The following RAB27B variants were observed in gnomAD, a reference collection of about 807,000 sequenced individuals.
The protein encoded by RAB27B is RAB27B, member RAS oncogene family.
RAB27B carries 15 observed loss-of-function variants against 24.6 expected under a neutral mutation model. The ratio of observed to expected loss-of-function variants is 0.61; its 90% CI spans 0.41 to 0.94. The LOEUF (loss-of-function observed/expected upper bound fraction) is 0.94, where lower values mean the gene tolerates loss of function less well. RAB27B is among the 40% of genes least tolerant of loss of function. The pLI is 0.00. For synonymous variants in RAB27B, 105 were observed against 92.5 expected (o/e 1.14, Z -0.78); for missense variants, 261 against 266.8 (o/e 0.98, Z 0.15).
intron 1 of RAB27B, among the ~76,000 whole-genome samples, chr18:54,867,471 G>A (rs564041865): frequency 1.6e-5 from 2 of 127,092 alleles, no homozygotes; most frequent in African/African-American, 2.9e-5. Context: ...TTCTGAGATG[G>A]AGTCTCGCTC....
At chr18:54,769,596 T>C (rs143532395) in intron 2 of RAB27B, among the ~76,000 whole-genome samples, 1 of 152,324 alleles carries the variant, frequency 6.6e-6, no homozygotes, top group East Asian at 1.9e-4. Context: ...TTATCTGATA[T>C]CTTTTTGTTT....
At chr18:54,737,657 A>C (rs1320655468) in intron 2 of RAB27B, among the ~76,000 whole-genome samples, 1 of 152,190 alleles carries the variant, frequency 6.6e-6, no homozygotes, top group African/African-American at 2.4e-5. Flanking sequence ...GATGCTCAAT[A>C]CATGTTTATT....
intron 2 of RAB27B, among the ~76,000 whole-genome samples, chr18:54,761,403 A>G (rs1053136745): frequency 1.5e-4 from 23 of 152,222 alleles, no homozygotes; most frequent in African/African-American, 5.1e-4. Context: ...TGCATTTCCT[A>G]TCTTCAGTAC....
chr18:54,754,268 C>T (rs1028700613), intron 2 of RAB27B, among the ~76,000 whole-genome samples: 11 of 152,104 alleles, frequency 7.2e-5, no homozygotes, highest in African/African-American at 2.7e-4. Context: ...GAAGAAGGTC[C>T]TTGCTTCCCC....
upstream of RAB27B, among the ~76,000 whole-genome samples, chr18:54,824,946 T>C (rs1429121691): frequency 6.6e-6 from 1 of 152,190 alleles, no homozygotes; most frequent in African/African-American, 2.4e-5. Flanking sequence ...CCTGCATTTT[T>C]GGGGTTTCAT....
intron 2 of RAB27B, among the ~76,000 whole-genome samples, chr18:54,812,653 C>T (rs935951848): frequency 6.6e-6 from 1 of 150,766 alleles, no homozygotes; most frequent in Admixed American, 6.6e-5. Flanking sequence ...AAATTTTAAC[C>T]TAGACAATTG....
intron 2 of RAB27B, among the ~76,000 whole-genome samples, chr18:54,793,149 A>G (rs1446420680): frequency 1.3e-5 from 2 of 151,300 alleles, no homozygotes; most frequent in African/African-American, 4.9e-5. Context: ...TTATGATATT[A>G]TTATGTGAAA....
chr18:54,739,082 C>T (rs1168699993), intron 2 of RAB27B, among the ~76,000 whole-genome samples: 1 of 152,106 alleles, frequency 6.6e-6, no homozygotes, highest in Non-Finnish European at 1.5e-5. Flanking sequence ...TGCTTTCACT[C>T]CATGTCATGT....
At chr18:54,829,542 A>G (rs1180653310) in intron 1 of RAB27B, among the ~76,000 whole-genome samples, 1 of 152,238 alleles carries the variant, frequency 6.6e-6, no homozygotes, top group Non-Finnish European at 1.5e-5. Context: ...GTTATTAACA[A>G]CAAAATTATT....
chr18:54,874,579 AG>A (rs1344116638), intron 1 of RAB27B, among the ~76,000 whole-genome samples: 1 of 146,566 alleles, frequency 6.8e-6, no homozygotes, highest in African/African-American at 2.5e-5. Flanking sequence ...AAAAAAAAAA[AG>A]TTAGCTTTAA....
At chr18:54,816,198 G>A (rs1910116096) in intron 2 of RAB27B, among the ~76,000 whole-genome samples, 2 of 152,188 alleles carry the variant, frequency 1.3e-5, no homozygotes. Context: ...AATTGTGCCA[G>A]CAAAAACACT....
At chr18:54,839,268 A>G (rs1044337830) in intron 1 of RAB27B, among the ~76,000 whole-genome samples, 1 of 152,152 alleles carries the variant, frequency 6.6e-6, no homozygotes, top group Non-Finnish European at 1.5e-5. Context: ...AAGAAAATCA[A>G]AAGTTTTAGT....
chr18:54,859,870 G>A (rs1328904115), intron 1 of RAB27B, among the ~76,000 whole-genome samples: 4 of 152,210 alleles, frequency 2.6e-5, no homozygotes, highest in Non-Finnish European at 5.9e-5. Flanking sequence ...TTTAATCAGA[G>A]CTCCAGTAGG....
At chr18:54,768,863 C>T (rs1463509701) in intron 2 of RAB27B, among the ~76,000 whole-genome samples, 1 of 152,088 alleles carries the variant, frequency 6.6e-6, no homozygotes, top group South Asian at 2.1e-4. Flanking sequence ...GGAAACTGCC[C>T]CCATGATCCA....
chr18:54,873,724 T>TGTGTGTGA (rs1912575008), intron 1 of RAB27B, among the ~76,000 whole-genome samples: 1 of 148,578 alleles, frequency 6.7e-6, no homozygotes, highest in Admixed American at 6.7e-5. Flanking sequence ...TGTGTGTGTG[T>TGTGTGTGA]GTGTGAGTGT....
At chr18:54,877,400 A>C (rs1467924000) in intron 1 of RAB27B, among the ~76,000 whole-genome samples, 167 bp from the exon 2 acceptor site, 1 of 152,172 alleles carries the variant, frequency 6.6e-6, no homozygotes, top group Non-Finnish European at 1.5e-5. Flanking sequence ...AAAACATTAG[A>C]TGTGCCTTCA....
At chr18:54,827,951 A>G (rs1408811502), upstream of RAB27B, among the ~76,000 whole-genome samples, 2 of 152,182 alleles carry the variant, frequency 1.3e-5, no homozygotes, top group African/African-American at 2.4e-5. Flanking sequence ...GTGGTAACCT[A>G]TTGATCTCTG....
At chr18:54,819,496 C>T (rs1400854940) in intron 2 of RAB27B, among the ~76,000 whole-genome samples, 2 of 133,232 alleles carry the variant, frequency 1.5e-5, no homozygotes, top group Non-Finnish European at 1.5e-5. Context: ...CACAGCACTG[C>T]ACTCCAGCGT....
At chr18:54,810,833 AAAATAAATAAATAAATAAATAAAT>A (rs74180479) in intron 2 of RAB27B, among the ~76,000 whole-genome samples, 4 of 140,182 alleles carry the variant, frequency 2.9e-5, no homozygotes, top group African/African-American at 5.4e-5. Context: ...ACCCTGTCTC[AAAATAAATAAATAAATAAATAAAT>A]AAATAAATAA....
Sources: gnomAD v4.1 joint callset for allele counts (sites outside exome capture counted in the v4.1 genomes callset) on GRCh38, gnomAD v4.1.1 for gene constraint, MANE v1.5 for transcripts, NCBI Gene and HGNC (gene_info 2026-07-23, HGNC 2026-07-21) for gene names.